The following ABLIM1 variants were observed in gnomAD, a reference collection of about 807,000 sequenced individuals.
ABLIM1 encodes actin binding LIM protein 1.
ABLIM1 carries 40 observed loss-of-function variants against 107.0 expected under a neutral mutation model. The observed-to-expected ratio is 0.37, with a 90% CI of 0.29 to 0.49. The LOEUF (loss-of-function observed/expected upper bound fraction) is 0.49. Ranked by LOEUF, ABLIM1 falls within the 20% of genes least tolerant of loss-of-function variation. The pLI is 0.97. For synonymous variants in ABLIM1, 357 were observed against 357.3 expected (o/e 1.00, Z 0.01); for missense variants, 857 against 1,008.5 (o/e 0.85, Z 2.04).
chr10:114,437,157 C>T (rs2059532501), intron 22 of ABLIM1, among the ~76,000 whole-genome samples: 2 of 152,072 alleles, frequency 1.3e-5, no homozygotes, highest in Non-Finnish European at 2.9e-5. Flanking sequence ...CCCATGAACT[C>T]AACCCCAGCT....
chr10:114,514,642 G>A (rs1340851566), intron 6 of ABLIM1, among the ~76,000 whole-genome samples: 1 of 152,184 alleles, frequency 6.6e-6, no homozygotes, highest in African/African-American at 2.4e-5. Context: ...ATCTCCCAAA[G>A]TGTTGGGATT....
At chr10:114,611,230 G>T (rs2076789139) in intron 1 of ABLIM1, among the ~76,000 whole-genome samples, 1 of 152,106 alleles carries the variant, frequency 6.6e-6, no homozygotes, top group Admixed American at 6.6e-5. Context: ...ATTTTGGGAG[G>T]CCAAGGCGGG....
At chr10:114,695,549 G>A (rs1184601554) in intron 1 of ABLIM1, among the ~76,000 whole-genome samples, 2 of 152,092 alleles carry the variant, frequency 1.3e-5, no homozygotes, top group African/African-American at 2.4e-5. Flanking sequence ...GTGCACTGGG[G>A]AGCAGCAATA....
intron 4 of ABLIM1, among the ~76,000 whole-genome samples, chr10:114,570,228 G>T (rs184523973): frequency 6.6e-6 from 1 of 152,300 alleles, no homozygotes; most frequent in East Asian, 1.9e-4. Context: ...CTTGCTTGGT[G>T]CCCACAGTTC....
chr10:114,703,742 G>A (rs1255774839), intron 1 of ABLIM1, among the ~76,000 whole-genome samples: 1 of 152,186 alleles, frequency 6.6e-6, no homozygotes, highest in African/African-American at 2.4e-5. Flanking sequence ...ATTATGTACT[G>A]TGAGAATAAG....
At chr10:114,608,340 G>T (rs1176383552) in intron 1 of ABLIM1, among the ~76,000 whole-genome samples, 1 of 152,002 alleles carries the variant, frequency 6.6e-6, no homozygotes, top group Non-Finnish European at 1.5e-5. Context: ...CTCCAGCCTG[G>T]GAGACAAGAA....
intron 6 of ABLIM1, among the ~76,000 whole-genome samples, chr10:114,512,901 AAGGAAG>A (rs1467587180): frequency 3.4e-5 from 5 of 148,384 alleles, no homozygotes; most frequent in African/African-American, 1.0e-4. Context: ...GGAAGGAAGG[AAGGAAG>A]GAAAGAAAGA....
chr10:114,662,159 T>C (rs562177689), upstream of ABLIM1, among the ~76,000 whole-genome samples: 2 of 152,328 alleles, frequency 1.3e-5, no homozygotes, highest in South Asian at 2.1e-4. Context: ...CCAATATTTC[T>C]GGAATTTAGT....
chr10:114,617,493 C>T (rs1278086224), intron 1 of ABLIM1, among the ~76,000 whole-genome samples: 1 of 151,890 alleles, frequency 6.6e-6, no homozygotes, highest in East Asian at 1.9e-4. Flanking sequence ...GTCTCAAACT[C>T]TTGATCTCAG....
intron 1 of ABLIM1, among the ~76,000 whole-genome samples, chr10:114,668,366 T>C (rs540429372): frequency 6.6e-6 from 1 of 152,302 alleles, no homozygotes; most frequent in South Asian, 2.1e-4. Context: ...GGGCCATTCC[T>C]TTCTTACATG....
chr10:114,781,607 T>G, the ABLIM1 span, among the ~76,000 whole-genome samples: 1 of 150,606 alleles, frequency 6.6e-6, no homozygotes, highest in Non-Finnish European at 1.5e-5. Flanking sequence ...TATATATGTA[T>G]ATATGTGTGT....
the ABLIM1 span, among the ~76,000 whole-genome samples, chr10:114,775,364 G>C: frequency 6.6e-6 from 1 of 152,114 alleles, no homozygotes; most frequent in Non-Finnish European, 1.5e-5. Flanking sequence ...TAGATATGTG[G>C]GAGTTCAATG....
At chr10:114,757,519 A>G (rs954205053) in intron 1 of ABLIM1, among the ~76,000 whole-genome samples, 1 of 152,174 alleles carries the variant, frequency 6.6e-6, no homozygotes, top group African/African-American at 2.4e-5. Context: ...TTGCTGAAAG[A>G]ATTGGAGAGA....
chr10:114,530,481 G>A (rs1337972139), intron 6 of ABLIM1, among the ~76,000 whole-genome samples: 1 of 152,020 alleles, frequency 6.6e-6, no homozygotes, highest in South Asian at 2.1e-4. Context: ...AACATTAACA[G>A]AAAAAAATCA....
chr10:114,785,611 T>C, the ABLIM1 span, among the ~76,000 whole-genome samples: 2 of 152,232 alleles, frequency 1.3e-5, no homozygotes, highest in East Asian at 1.9e-4. Context: ...ATATTATTCA[T>C]GTATAAATAC....
At chr10:114,768,781 A>C (rs1277607555), upstream of ABLIM1, among the ~76,000 whole-genome samples, 1 of 151,994 alleles carries the variant, frequency 6.6e-6, no homozygotes, top group Non-Finnish European at 1.5e-5. Flanking sequence ...CTGTGCATAC[A>C]CTTGATTTAC....
chr10:114,496,611 T>C (rs1249519183), intron 6 of ABLIM1, among the ~76,000 whole-genome samples: 2 of 152,124 alleles, frequency 1.3e-5, no homozygotes, highest in African/African-American at 2.4e-5. Context: ...TGCTTACCTA[T>C]GTAACAAACC....
chr10:114,642,175 G>T (rs1055581919), intron 1 of ABLIM1, among the ~76,000 whole-genome samples: 1 of 152,030 alleles, frequency 6.6e-6, no homozygotes, highest in African/African-American at 2.4e-5. Context: ...TTACAGATGT[G>T]AGCCCACTGC....
At chr10:114,656,449 T>G (rs191235199) in intron 1 of ABLIM1, among the ~76,000 whole-genome samples, 3 of 152,180 alleles carry the variant, frequency 2.0e-5, no homozygotes, top group Non-Finnish European at 2.9e-5. Flanking sequence ...ATTCCACACC[T>G]AGGTATACAC....
Sources: allele counts gnomAD v4.1 joint callset (sites outside exome capture counted in the v4.1 genomes callset), GRCh38; gene constraint gnomAD v4.1.1; transcripts MANE v1.5; gene names NCBI Gene and HGNC (gene_info 2026-07-23, HGNC 2026-07-21).